GPBP1: variants seen among roughly 807,000 people sequenced by gnomAD.
GPBP1 encodes the protein vasculin.
A neutral mutation model predicts 56.5 loss-of-function variants in GPBP1; 13 were observed. The ratio of observed to expected loss-of-function variants is 0.23; its 90% confidence interval spans 0.15 to 0.37. The LOEUF (loss-of-function observed/expected upper bound fraction) is 0.37. Among genes scored for constraint, GPBP1 ranks in the 10% least tolerant of loss-of-function variants. The pLI, the probability that GPBP1 is intolerant of heterozygous loss-of-function variation, is 1.00. For missense variants in GPBP1, 477 were observed against 572.3 expected (o/e 0.83, Z 1.70); for synonymous variants, 204 against 188.9 (o/e 1.08, Z -0.66).
chr5:57,215,281 T>C (rs1383479978), intron 3 of GPBP1, among the ~76,000 whole-genome samples: 2 of 152,208 alleles, frequency 1.3e-5, no homozygotes, highest in East Asian at 1.9e-4. Flanking sequence ...TAAATATTGA[T>C]CTCCTTTATG....
At chr5:57,200,268 TGTTA>T in intron 2 of GPBP1, among the ~76,000 whole-genome samples, 1 of 151,738 alleles carries the variant, frequency 6.6e-6, no homozygotes, top group Admixed American at 6.6e-5. Context: ...GTTCTTTCTA[TGTTA>T]GTGCTTGAGA....
intron 6 of GPBP1, among the ~76,000 whole-genome samples, chr5:57,244,096 G>T (rs1342867222): frequency 1.3e-5 from 2 of 152,140 alleles, no homozygotes; most frequent in African/African-American, 2.4e-5. Flanking sequence ...ACATTCTTTA[G>T]AATTAGTAAG....
At chr5:57,245,467 C>T (rs1183930901) in intron 6 of GPBP1, 1 of 152,190 alleles carries the variant, frequency 6.6e-6, no homozygotes, top group Non-Finnish European at 1.5e-5. Context: ...CTACCCAGCT[C>T]ACTAATTCAC....
At chr5:57,181,935 C>T (rs1754067611) in intron 2 of GPBP1, among the ~76,000 whole-genome samples, 1 of 152,162 alleles carries the variant, frequency 6.6e-6, no homozygotes, top group African/African-American at 2.4e-5. Flanking sequence ...CAATAGTTAA[C>T]AGATTTGCTG....
chr5:57,191,209 C>A (rs193024529), intron 2 of GPBP1, among the ~76,000 whole-genome samples: 150 of 152,130 alleles, frequency 9.9e-4, no homozygotes, highest in African/African-American at 3.4e-3. Flanking sequence ...CCTCAGCTCC[C>A]AAGTAGCTGG....
intron 8 of GPBP1, among the ~76,000 whole-genome samples, chr5:57,247,754 G>T (rs1426495441): frequency 6.6e-6 from 1 of 152,054 alleles, no homozygotes; most frequent in Non-Finnish European, 1.5e-5. Context: ...AATTTTTTGG[G>T]GGGTGGTAGG....
chr5:57,222,596 T>C (rs1411828431), intron 3 of GPBP1, among the ~76,000 whole-genome samples: 5 of 152,184 alleles, frequency 3.3e-5, no homozygotes, highest in African/African-American at 1.2e-4. Context: ...CTCTTTTTAG[T>C]GGCTGTGTAA....
rs1175648368 is a variant in GPBP1 at position 57,231,399 on chromosome 5, C to T, written c.411+78C>T. 8.2e-6 allele frequency: 9 copies of T among 1,101,066 alleles called. No individual in the cohort carries two copies. The African/African-American group carries it at 1.4e-4, about 18-fold the overall frequency. 68.2% of individuals were successfully genotyped at this position (1,101,066 alleles called of 1,614,324 possible). On this transcript the variant is annotated intron_variant, in intron 5 of 11. Coordinates refer to ENST00000506184, the MANE Select transcript of GPBP1 (RefSeq NM_022913.4). ...AGTGATTCTCCTGCCTCAGCCTCTC[C>T]AGTATCTGGGATTACAGGCATCCAC...
chr5:57,255,650 A>G (rs901065237), intron 10 of GPBP1, among the ~76,000 whole-genome samples: 3 of 152,268 alleles, frequency 2.0e-5, no homozygotes, highest in African/African-American at 7.2e-5. Flanking sequence ...CATTAAGGCC[A>G]TAGTGAGAAA....
chr5:57,226,446 C>T (rs537491195), intron 3 of GPBP1, among the ~76,000 whole-genome samples: 1 of 151,574 alleles, frequency 6.6e-6, no homozygotes, highest in South Asian at 2.1e-4. Flanking sequence ...ATATGAGTTA[C>T]TAACAGTGGA....
At chr5:57,180,808 C>A (rs1754010460) in intron 2 of GPBP1, among the ~76,000 whole-genome samples, 2 of 152,248 alleles carry the variant, frequency 1.3e-5, no homozygotes, top group South Asian at 2.1e-4. Context: ...ATGGCACAAT[C>A]TCAGTTCATT....
At chr5:57,182,351 T>C (rs1374662558) in intron 2 of GPBP1, among the ~76,000 whole-genome samples, 1 of 151,388 alleles carries the variant, frequency 6.6e-6, no homozygotes, top group Non-Finnish European at 1.5e-5. Context: ...CCCAAAGTGC[T>C]GGGATTATAG....
chr5:57,193,591 G>GCA (rs777971737), intron 2 of GPBP1, among the ~76,000 whole-genome samples: 14 of 130,096 alleles, frequency 1.1e-4, no homozygotes, highest in East Asian at 1.0e-3. Flanking sequence ...TCAAGCTTGG[G>GCA]CAATAGAATG....
chr5:57,211,586 T>TTGA (rs1755481314), intron 2 of GPBP1, among the ~76,000 whole-genome samples: 1 of 152,030 alleles, frequency 6.6e-6, no homozygotes, highest in Non-Finnish European at 1.5e-5. Context: ...TTTGTTGTTG[T>TTGA]TGTTGTTGTT....
intron 3 of GPBP1, among the ~76,000 whole-genome samples, chr5:57,228,420 A>T (rs1422736616): frequency 6.6e-6 from 1 of 151,018 alleles, no homozygotes; most frequent in Non-Finnish European, 1.5e-5. Context: ...GCACCATTGC[A>T]CTCCAGCCTG....
intron 8 of GPBP1, 30 bp downstream of exon 8, chr5:57,247,245 T>C (rs1049901550): frequency 2.6e-6 from 4 of 1,553,464 alleles, no homozygotes; most frequent in Non-Finnish European, 3.5e-6. Context: ...ACTTGAGGAA[T>C]GTAACATTTT....
At chr5:57,176,559 C>A (rs148033807) in intron 2 of GPBP1, among the ~76,000 whole-genome samples, 159 bp downstream of exon 2, 143 of 151,398 alleles carry the variant, frequency 9.4e-4, no homozygotes, top group African/African-American at 3.1e-3. Flanking sequence ...TAACCATTGT[C>A]TGAGTAAACT....
intron 2 of GPBP1, among the ~76,000 whole-genome samples, chr5:57,183,765 A>ATTTTTTT (rs34608817): frequency 1.5e-4 from 20 of 133,282 alleles, no homozygotes; most frequent in African/African-American, 1.4e-4. Flanking sequence ...GGGGATATGA[A>ATTTTTTT]TTTTTTTTTT....
chr5:57,251,861 T>G (rs1741407942), intron 10 of GPBP1, among the ~76,000 whole-genome samples: 1 of 152,180 alleles, frequency 6.6e-6, no homozygotes, highest in African/African-American at 2.4e-5. Context: ...ACCATCTATC[T>G]TTGATTACAG....
Sources: gnomAD v4.1 joint callset for allele counts (sites outside exome capture counted in the v4.1 genomes callset) on GRCh38, gnomAD v4.1.1 for gene constraint, MANE v1.5 for transcripts, NCBI Gene and HGNC (gene_info 2026-07-23, HGNC 2026-07-21) for gene names.